Variants in RBM47 observed in about 807,000 individuals in gnomAD.
RBM47 encodes RNA binding motif protein 47.
A neutral mutation model predicts 47.1 loss-of-function variants in RBM47; 21 were observed. The observed-to-expected ratio is 0.45, with a 90% CI of 0.32 to 0.64. The LOEUF (loss-of-function observed/expected upper bound fraction) is 0.64. Ranked by LOEUF, RBM47 falls within the 30% of genes least tolerant of loss-of-function variation. The pLI is 0.05. For synonymous variants in RBM47, 375 were observed against 361.7 expected (o/e 1.04, Z -0.42); for missense variants, 708 against 870.9 (o/e 0.81, Z 2.35).
Position 40,629,674 on chromosome 4 carries a change from C to A in RBM47, c.-518G>T, listed in dbSNP as rs1275292252. ...AGAAAGTCTCCAGGAGGACCGCTCC[C>A]CAAACCCTGGTTTCTCTCTATCCCA... On this transcript the variant is annotated 5_prime_UTR_variant, in exon 1 of 7. Coordinates refer to ENST00000295971, the MANE Select transcript of RBM47 (RefSeq NM_001098634.2). The A allele has an allele frequency of 6.6e-6, 1 of 152,240 alleles. No individual in the cohort carries two copies. The highest frequency in any genetic ancestry group is 1.5e-5 in the Non-Finnish European group (1 of 68,066). 9.4% of individuals were successfully genotyped at this position (152,240 alleles called of 1,614,324 possible).
At chr4:40,611,272 T>C (rs1736235913) in intron 1 of RBM47, among the ~76,000 whole-genome samples, 1 of 152,190 alleles carries the variant, frequency 6.6e-6, no homozygotes, top group East Asian at 1.9e-4. Context: ...AAAAGAGTAT[T>C]TTATTTTATT....
At position 40,437,090 on chromosome 4, in the gene RBM47, A is replaced by AAATATATATATAT. The variant is rs1256296949; in HGVS notation, c.1124-444_1124-443insATATATATATATT. Among the ~76,000 whole-genome samples the AAATATATATATAT allele has an allele frequency of 1.0e-4, 5 of 49,804 alleles. 1 individual carries two copies. The highest frequency in any genetic ancestry group is 5.5e-4 in the African/African-American group (5 of 9,168). 32.7% of individuals were successfully genotyped at this position (49,804 alleles called of 152,430 possible). Reference sequence around the variant, plus strand: ...CCCTGTCTCAAAAAAAAAAAAAAAAAATATATATATATATATATATAAAAT... The same window carrying AAATATATATATAT: ...CCCTGTCTCAAAAAAAAAAAAAAAAAAATATATATATATATATATATATATATATATATAAAAT... On this transcript the variant is annotated intron_variant, in intron 4 of 6. Transcript: ENST00000295971.
chr4:40,562,486 A>C (rs866699480), intron 1 of RBM47, among the ~76,000 whole-genome samples: 1 of 131,584 alleles, frequency 7.6e-6, no homozygotes, highest in African/African-American at 3.0e-5. Flanking sequence ...TTTTTTTGAG[A>C]CAGTCTCACT....
intron 2 of RBM47, among the ~76,000 whole-genome samples, chr4:40,525,195 T>C (rs942084807): frequency 1.3e-5 from 2 of 152,184 alleles, no homozygotes; most frequent in South Asian, 2.1e-4. Flanking sequence ...CCCAGCACTT[T>C]GGGAGGCCAA....
Position 40,514,471 on chromosome 4 carries a change from A to AT in RBM47, c.-155+29950dup, listed in dbSNP as rs1201794555. The AT allele has an allele frequency of 2.6e-5, 4 of 152,104 alleles. No homozygotes were observed. The East Asian group carries it at 7.7e-4, about 29-fold the overall frequency. 9.4% of individuals were successfully genotyped at this position (152,104 alleles called of 1,614,324 possible). ...CAGAAGGGAACCCAAATCGTATGCA[A>AT]TTTGAAATTTTTAATATGAATATAC... On this transcript the variant is annotated intron_variant, in intron 2 of 6. Transcript: ENST00000295971.
intron 2 of RBM47, among the ~76,000 whole-genome samples, chr4:40,500,143 C>T (rs1403219948): frequency 6.6e-6 from 1 of 152,018 alleles, no homozygotes; most frequent in African/African-American, 2.4e-5. Context: ...AGTGAAATCC[C>T]GTTCTACTAA....
At chr4:40,426,254 GGAGA>G in intron 6 of RBM47, 111 bp from the exon 7 acceptor site, 3 of 1,413,912 alleles carry the variant, frequency 2.1e-6, no homozygotes, top group Non-Finnish European at 2.8e-6. Flanking sequence ...CAAAAGCAAG[GGAGA>G]GAAAGGCAGA....
At chr4:40,566,955 T>C (rs537663857) in intron 1 of RBM47, among the ~76,000 whole-genome samples, 28 of 150,870 alleles carry the variant, frequency 1.9e-4, no homozygotes, top group African/African-American at 6.7e-4. Flanking sequence ...GCCCATTCTG[T>C]GTCTTCATCA....
At chr4:40,624,330 T>C (rs1020494764) in intron 1 of RBM47, among the ~76,000 whole-genome samples, 2 of 152,114 alleles carry the variant, frequency 1.3e-5, no homozygotes, top group African/African-American at 4.8e-5. Flanking sequence ...GAGTGTGAAT[T>C]TAGTATGAAT....
At chr4:40,453,448 G>T (rs1436697470) in intron 3 of RBM47, among the ~76,000 whole-genome samples, 1 of 152,208 alleles carries the variant, frequency 6.6e-6, no homozygotes, top group African/African-American at 2.4e-5. Context: ...TTTAGAGACA[G>T]ATGGAAATTA....
chr4:40,541,728 A>C (rs1026046254), intron 2 of RBM47, among the ~76,000 whole-genome samples: 1 of 152,028 alleles, frequency 6.6e-6, no homozygotes, highest in Non-Finnish European at 1.5e-5. Context: ...ACAAGAGCAA[A>C]ACTCTGTCTC....
intron 2 of RBM47, among the ~76,000 whole-genome samples, chr4:40,512,828 A>G (rs1725127200): frequency 1.3e-5 from 2 of 152,168 alleles, no homozygotes; most frequent in Admixed American, 1.3e-4. Flanking sequence ...TTTTGGATTC[A>G]CATGGTATGG....
chr4:40,468,699 A>T (rs1235390110), intron 2 of RBM47, among the ~76,000 whole-genome samples: 1 of 152,222 alleles, frequency 6.6e-6, no homozygotes, highest in Non-Finnish European at 1.5e-5. Flanking sequence ...CTTTACCATG[A>T]TCTAGTTTTA....
intron 2 of RBM47, among the ~76,000 whole-genome samples, chr4:40,542,141 C>T (rs1465585213): frequency 1.3e-5 from 2 of 152,170 alleles, no homozygotes; most frequent in African/African-American, 4.8e-5. Context: ...TGCTGATACA[C>T]AAGGTAAGAT....
At chr4:40,555,275 C>T (rs1008815847) in intron 1 of RBM47, among the ~76,000 whole-genome samples, 5 of 152,278 alleles carry the variant, frequency 3.3e-5, no homozygotes, top group African/African-American at 1.2e-4. Flanking sequence ...GCCATGTTGC[C>T]CAGCTGGTCT....
chr4:40,430,323 GC>G (rs200018093), intron 6 of RBM47, among the ~76,000 whole-genome samples: 196 of 152,302 alleles, frequency 1.3e-3, no homozygotes, highest in Admixed American at 8.6e-3. Context: ...TGATTATGGT[GC>G]CTGGAATTTG....
At chr4:40,551,326 A>G (rs1388211869) in intron 1 of RBM47, among the ~76,000 whole-genome samples, 4 of 152,152 alleles carry the variant, frequency 2.6e-5, no homozygotes, top group Admixed American at 2.6e-4. Context: ...ACATACTTTC[A>G]CTTTTGCAAC....
At chr4:40,592,229 C>G (rs1291939928) in intron 1 of RBM47, among the ~76,000 whole-genome samples, 1 of 151,706 alleles carries the variant, frequency 6.6e-6, no homozygotes, top group African/African-American at 2.4e-5. Context: ...ATTTACACCA[C>G]CTGGTATCAC....
chr4:40,566,663 G>A (rs1577972174), intron 1 of RBM47, among the ~76,000 whole-genome samples: 1 of 151,874 alleles, frequency 6.6e-6, no homozygotes, highest in East Asian at 1.9e-4. Context: ...AACAAAAAGA[G>A]TTAGATATCT....
Sources: allele counts gnomAD v4.1 joint callset (sites outside exome capture counted in the v4.1 genomes callset), GRCh38; gene constraint gnomAD v4.1.1; transcripts MANE v1.5; gene names NCBI Gene and HGNC (gene_info 2026-07-23, HGNC 2026-07-21).